Variants in SGK3 observed in about 807,000 individuals in gnomAD.
The protein encoded by SGK3 is serum/glucocorticoid regulated kinase family member 3, also known as serine/threonine-protein kinase Sgk3.
Under a neutral mutation model 68.5 loss-of-function variants are expected in SGK3, and 47 were observed. The ratio of observed to expected loss-of-function variants is 0.69; its 90% confidence interval spans 0.54 to 0.87. The LOEUF is 0.87. Among genes scored for constraint, SGK3 ranks in the 40% least tolerant of loss-of-function variants. The pLI, the probability that SGK3 is intolerant of heterozygous loss-of-function variation, is 0.00. For synonymous variants in SGK3, 181 were observed against 189.1 expected, an observed-to-expected ratio of 0.96 and a Z score of 0.35; for missense variants, 479 against 575.5, an observed-to-expected ratio of 0.83 and a Z score of 1.72.
chr8:66,728,327 CT>C (rs200974011), intron 1 of SGK3, among the ~76,000 whole-genome samples: 307 of 141,414 alleles, frequency 2.2e-3, no homozygotes, highest in East Asian at 3.6e-3. Context: ...TACTTCATTT[CT>C]TTTTTTTTTT....
chr8:66,805,070 C>A (rs1432567609), intron 4 of SGK3, among the ~76,000 whole-genome samples: 1 of 151,862 alleles, frequency 6.6e-6, no homozygotes, highest in African/African-American at 2.4e-5. Flanking sequence ...CAGAGCGAGA[C>A]CCTATTAAAA....
In SGK3 at chr8:66,770,600, G is replaced by A. The variant is rs184550563; in HGVS notation, c.-121-23016G>A. Among the ~76,000 whole-genome samples the A allele has an allele frequency of 2.0e-5, 3 of 152,264 alleles. No homozygotes were observed. The East Asian group carries it at 5.8e-4, about 29-fold the overall frequency. On this transcript the variant is annotated intron_variant, in intron 1 of 16. Transcript: ENST00000521198. The stretch of plus-strand genomic sequence containing the variant: ...CTTAGTATTCTACCTGCATTGAGTT[G>A]GGAACGTTTGTAGTCTACCTGATGG...
At chr8:66,760,931 C>T (rs962281463) in intron 1 of SGK3, among the ~76,000 whole-genome samples, 64 of 151,224 alleles carry the variant, frequency 4.2e-4, no homozygotes, top group African/African-American at 1.5e-3. Flanking sequence ...GCAGGAGAAT[C>T]GCTTGAACCA....
chr8:66,771,250 CTATT>C (rs1806502090), intron 1 of SGK3, among the ~76,000 whole-genome samples: 1 of 151,332 alleles, frequency 6.6e-6, no homozygotes, highest in Admixed American at 6.6e-5. Flanking sequence ...GTTATTTAGT[CTATT>C]TAATGCTTCT....
chr8:66,842,942 A>G (rs902975067), intron 13 of SGK3, among the ~76,000 whole-genome samples: 3 of 152,030 alleles, frequency 2.0e-5, no homozygotes, highest in Non-Finnish European at 4.4e-5. Context: ...GTGGTGGCGC[A>G]TGCCTCTAGT....
intron 1 of SGK3, among the ~76,000 whole-genome samples, chr8:66,733,188 T>C (rs1805218674): frequency 6.6e-6 from 1 of 152,030 alleles, no homozygotes; most frequent in Non-Finnish European, 1.5e-5. Context: ...AGTATAGAAG[T>C]GGATGAAGGA....
intron 1 of SGK3, among the ~76,000 whole-genome samples, chr8:66,789,190 T>C (rs1288255660): frequency 6.6e-6 from 1 of 152,178 alleles, no homozygotes; most frequent in Non-Finnish European, 1.5e-5. Context: ...ACCATCTGAT[T>C]AAATTTATGG....
At chr8:66,713,178 A>G (rs928221899) in intron 1 of SGK3, among the ~76,000 whole-genome samples, 2 of 152,086 alleles carry the variant, frequency 1.3e-5, no homozygotes, top group African/African-American at 4.8e-5. Flanking sequence ...AGGGTCGGGG[A>G]GGGGGCAGCC....
chr8:66,855,745 A>G (rs1810483994), intron 16 of SGK3, among the ~76,000 whole-genome samples: 1 of 152,234 alleles, frequency 6.6e-6, no homozygotes, highest in South Asian at 2.1e-4. Flanking sequence ...TATGAAAAGA[A>G]GTTCATACTG....
intron 8 of SGK3, among the ~76,000 whole-genome samples, chr8:66,832,210 T>C (rs1360377011): frequency 6.6e-6 from 1 of 152,184 alleles, no homozygotes; most frequent in Non-Finnish European, 1.5e-5. Context: ...CTTGACAGTA[T>C]AGCCATACCA....
At chr8:66,855,242 G>A (rs567201106) in intron 16 of SGK3, among the ~76,000 whole-genome samples, 15 of 152,096 alleles carry the variant, frequency 9.9e-5, no homozygotes, top group African/African-American at 2.7e-4. Context: ...TTGTTCTGTC[G>A]CCAAGGCTGG....
chr8:66,858,436 A>T (rs908641420), intron 16 of SGK3, among the ~76,000 whole-genome samples: 4 of 151,670 alleles, frequency 2.6e-5, no homozygotes, highest in Non-Finnish European at 4.4e-5. Flanking sequence ...ACTGCAGTCC[A>T]GCCTGGGTGA....
intron 5 of SGK3, among the ~76,000 whole-genome samples, chr8:66,814,216 A>G (rs1466555834): frequency 2.0e-5 from 3 of 152,210 alleles, no homozygotes; most frequent in African/African-American, 7.2e-5. Flanking sequence ...TATTTTATCT[A>G]TACCTTCAAA....
intron 3 of SGK3, among the ~76,000 whole-genome samples, chr8:66,799,714 C>T (rs1160790155): frequency 6.6e-6 from 1 of 152,156 alleles, no homozygotes; most frequent in Non-Finnish European, 1.5e-5. Context: ...CTCTGCCTCC[C>T]ATGTTCAAGT....
chr8:66,847,126 C>A, intron 14 of SGK3, 67 bp from the exon 15 acceptor site: 3 of 1,559,614 alleles, frequency 1.9e-6, no homozygotes, highest in Non-Finnish European at 1.7e-6. Flanking sequence ...AAGATTAAAG[C>A]CATTTTAACC....
In SGK3 at chr8:66,768,250, T is replaced by G. The variant is rs575822800; in HGVS notation, c.-121-25366T>G. Among the ~76,000 whole-genome samples, 9 of 152,320 alleles carry G rather than the reference T, an allele frequency of 5.9e-5. 1 individual carries two copies. The South Asian group carries it at 1.9e-3, about 32-fold the overall frequency. ...TTCTTGTTTGTTAACTTTTAGAGAT[T>G]TAAATTATTAAAAAATCAAAATATG... On this transcript the variant is annotated intron_variant, in intron 1 of 16. Transcript: ENST00000521198.
At position 66,744,528 on chromosome 8, in the gene SGK3, T is replaced by TGTTGTTGTTG. The variant is rs1430333048; in HGVS notation, c.-122+31695_-122+31696insGTTGTTGTTG. 2.9e-3 allele frequency among the ~76,000 whole-genome samples: 334 copies of TGTTGTTGTTG among 114,156 alleles called. 10 individuals are homozygous for TGTTGTTGTTG. The highest frequency in any genetic ancestry group is 0.01 in the African/African-American group (314 of 30,070). 74.9% of individuals were successfully genotyped at this position (114,156 alleles called of 152,430 possible). On this transcript the variant is annotated intron_variant, in intron 1 of 16. Transcript: ENST00000521198. ...ATATATATATATATATATTTTTTTT[T>TGTTGTTGTTG]TTTTTTTTTTTTTTTTTAGATGGAG...
chr8:66,748,199 T>C (rs571900078), intron 1 of SGK3, among the ~76,000 whole-genome samples: 2 of 152,340 alleles, frequency 1.3e-5, no homozygotes, highest in East Asian at 3.9e-4. Context: ...AAGCTAGCAG[T>C]AGAAAATTAT....
chr8:66,720,735 A>C (rs980392179), intron 1 of SGK3, among the ~76,000 whole-genome samples: 5 of 151,596 alleles, frequency 3.3e-5, no homozygotes, highest in Admixed American at 6.6e-5. Context: ...GCACCACTGC[A>C]CTCCAGCCTG....
Sources: gnomAD v4.1 joint callset for allele counts (sites outside exome capture counted in the v4.1 genomes callset) on GRCh38, gnomAD v4.1.1 for gene constraint, MANE v1.5 for transcripts, NCBI Gene and HGNC (gene_info 2026-07-23, HGNC 2026-07-21) for gene names.